Variants in ITGBL1 observed in about 807,000 individuals in gnomAD.
ITGBL1 encodes the protein integrin subunit beta like 1.
Under a neutral mutation model 68.5 loss-of-function variants are expected in ITGBL1, and 51 were observed. That is an observed-to-expected ratio of 0.74 (90% CI 0.59 to 0.94). The LOEUF is 0.94. Ranked by LOEUF, ITGBL1 falls within the 40% of genes least tolerant of loss-of-function variation. The pLI, the probability that ITGBL1 is intolerant of heterozygous loss-of-function variation, is 0.00. For synonymous variants in ITGBL1, 209 were observed against 227.3 expected (o/e 0.92, Z 0.72); for missense variants, 649 against 647.4 (o/e 1.00, Z -0.03).
chr13:101,483,008 G>A (rs2048648489), intron 2 of ITGBL1, among the ~76,000 whole-genome samples: 1 of 152,158 alleles, frequency 6.6e-6, no homozygotes, highest in Admixed American at 6.5e-5. Context: ...TCAAGTTTAA[G>A]AAACACTGGT....
intron 6 of ITGBL1, among the ~76,000 whole-genome samples, chr13:101,595,049 G>A (rs2029882822): frequency 6.6e-6 from 1 of 152,144 alleles, no homozygotes; most frequent in African/African-American, 2.4e-5. Flanking sequence ...ACTCCAGCCT[G>A]GGCAATAGAG....
chr13:101,506,375 T>C (rs2049027257), intron 2 of ITGBL1, among the ~76,000 whole-genome samples: 1 of 152,210 alleles, frequency 6.6e-6, no homozygotes, highest in Non-Finnish European at 1.5e-5. Context: ...TTTTGTTTAT[T>C]CTGGGATAAC....
In ITGBL1 at chr13:101,569,687, G is replaced by C. The variant is rs115888486; in HGVS notation, c.463+1842G>C. ...TTGTCCCCATTTTATTAAAAGAAAA[G>C]TGTACTTATCTTGGATTTGTCTGAT... On this transcript the variant is annotated intron_variant, in intron 3 of 10. Coordinates refer to ENST00000376180, the MANE Select transcript of ITGBL1 (RefSeq NM_004791.3). 5.6e-3 allele frequency among the ~76,000 whole-genome samples: 852 copies of C among 152,178 alleles called. 10 individuals are homozygous for C. The highest frequency in any genetic ancestry group is 0.019 in the African/African-American group (800 of 41,532).
intron 7 of ITGBL1, among the ~76,000 whole-genome samples, chr13:101,653,460 A>G (rs1261748738): frequency 6.6e-6 from 1 of 152,206 alleles, no homozygotes; most frequent in African/African-American, 2.4e-5. Context: ...ATGCAGCACT[A>G]AAAACATGAC....
chr13:101,526,932 C>A (rs1280275245), intron 2 of ITGBL1, among the ~76,000 whole-genome samples: 1 of 151,782 alleles, frequency 6.6e-6, no homozygotes. Context: ...CATAATCACA[C>A]CCAAGAAAAA....
chr13:101,644,463 C>T (rs748695831), intron 7 of ITGBL1, among the ~76,000 whole-genome samples: 6 of 152,076 alleles, frequency 3.9e-5, no homozygotes, highest in Non-Finnish European at 5.9e-5. Flanking sequence ...ACACTGATGT[C>T]GCCTTGGAGA....
intron 8 of ITGBL1, among the ~76,000 whole-genome samples, chr13:101,702,335 G>A (rs999477262): frequency 2.0e-5 from 3 of 151,528 alleles, no homozygotes; most frequent in African/African-American, 4.8e-5. Context: ...TTTCTCTGTT[G>A]GTTTTCTATT....
Position 101,567,706 on chromosome 13 carries a change from T to C in ITGBL1, c.324T>C (p.Gly108=), listed in dbSNP as rs759843028. The change falls in exon 3 of 11, where the codon GGT becomes GGC. Residue 108 remains glycine, a synonymous_variant. Coordinates refer to ENST00000376180, the MANE Select transcript of ITGBL1 (RefSeq NM_004791.3). ...ATGTTGTTCAATCCCCAGGCCATGG[T>C]AAGTGTGACTGTGGCAAGTGCAAGT... The part of the protein sequence containing the change: ...TYDGSTCAGH[G]KCDCGKCKCD... 7.1e-5 allele frequency: 115 copies of C among 1,612,666 alleles called. No homozygotes were observed. Among genetic ancestry groups the C allele is most frequent in the Middle Eastern group, 1.6e-4 (1 of 6,066 alleles).
chr13:101,660,432 A>C (rs908618202), intron 7 of ITGBL1, among the ~76,000 whole-genome samples: 1 of 152,196 alleles, frequency 6.6e-6, no homozygotes, highest in Non-Finnish European at 1.5e-5. Flanking sequence ...CAAAATCCTG[A>C]AAAGACATCT....
At chr13:101,489,657 G>A (rs1383979094) in intron 2 of ITGBL1, among the ~76,000 whole-genome samples, 1 of 152,164 alleles carries the variant, frequency 6.6e-6, no homozygotes, top group African/African-American at 2.4e-5. Context: ...TGCCAGGGAA[G>A]TATGCTTTTG....
At chr13:101,509,988 C>T (rs1402404115) in intron 2 of ITGBL1, among the ~76,000 whole-genome samples, 1 of 152,000 alleles carries the variant, frequency 6.6e-6, no homozygotes, top group Non-Finnish European at 1.5e-5. Flanking sequence ...AAAAAGAAAT[C>T]CAATTTCTCT....
intron 2 of ITGBL1, among the ~76,000 whole-genome samples, chr13:101,536,752 G>A (rs927453616): frequency 6.6e-6 from 1 of 151,800 alleles, no homozygotes; most frequent in African/African-American, 2.4e-5. Context: ...TTTCCCTATG[G>A]TTGTCTCACT....
At chr13:101,702,554 A>G (rs2034159583) in intron 8 of ITGBL1, among the ~76,000 whole-genome samples, 1 of 151,536 alleles carries the variant, frequency 6.6e-6, no homozygotes, top group African/African-American at 2.4e-5. Context: ...ATGTATTTTC[A>G]TTTTCCATAT....
chr13:101,571,139 G>A (rs2050265307), intron 3 of ITGBL1, among the ~76,000 whole-genome samples: 1 of 151,982 alleles, frequency 6.6e-6, no homozygotes, highest in African/African-American at 2.4e-5. Context: ...TTCCATATTT[G>A]CATGTCCCAT....
At chr13:101,524,584 C>T (rs1161990020) in intron 2 of ITGBL1, among the ~76,000 whole-genome samples, 1 of 150,112 alleles carries the variant, frequency 6.7e-6, no homozygotes, top group Non-Finnish European at 1.5e-5. Context: ...TAATTAACAT[C>T]TGTTTCTCCT....
intron 2 of ITGBL1, among the ~76,000 whole-genome samples, chr13:101,457,724 G>A (rs2048263742): frequency 1.3e-5 from 2 of 152,134 alleles, no homozygotes; most frequent in African/African-American, 4.8e-5. Context: ...GCTGAGGCAG[G>A]AGAATTGCTT....
intron 7 of ITGBL1, among the ~76,000 whole-genome samples, chr13:101,692,242 T>C (rs193069817): frequency 6.6e-6 from 1 of 152,298 alleles, no homozygotes; most frequent in East Asian, 1.9e-4. Context: ...ATATAATGTA[T>C]TATGTTATGT....
chr13:101,605,474 G>C (rs12869641), intron 7 of ITGBL1, among the ~76,000 whole-genome samples: 63,916 of 85,484 alleles, frequency 0.75, 21,920 homozygotes, highest in East Asian at 0.79. Flanking sequence ...ATATGTATAT[G>C]CGTATATATA....
At chr13:101,469,750 G>C (rs1252455355) in intron 2 of ITGBL1, among the ~76,000 whole-genome samples, 1 of 152,102 alleles carries the variant, frequency 6.6e-6, no homozygotes, top group African/African-American at 2.4e-5. Flanking sequence ...AGACCTATGA[G>C]TGGCAATGCG....
Sources: allele counts gnomAD v4.1 joint callset (sites outside exome capture counted in the v4.1 genomes callset), GRCh38; gene constraint gnomAD v4.1.1; transcripts MANE v1.5; gene names NCBI Gene and HGNC (gene_info 2026-07-23, HGNC 2026-07-21).